The following ZNF254 variants were observed in gnomAD, a reference collection of about 807,000 sequenced individuals.
ZNF254 encodes the protein CTD-2017D11.1.
A neutral mutation model predicts 12.4 loss-of-function variants in ZNF254; 10 were observed. That is an observed-to-expected ratio of 0.80 (90% CI 0.50 to 1.36). The LOEUF (loss-of-function observed/expected upper bound fraction) is 1.36, where lower values mean the gene tolerates loss of function less well. Ranked by LOEUF, ZNF254 falls within the 40% of genes most tolerant of loss-of-function variation. ZNF254 has a pLI of 0.00. For missense variants in ZNF254, 996 were observed against 763.9 expected (o/e 1.30, Z -3.58); for synonymous variants, 305 against 253.4 (o/e 1.20, Z -1.93).
At chr19:24,067,800 A>T (rs1971331814) in intron 2 of ZNF254, among the ~76,000 whole-genome samples, 1 of 151,596 alleles carries the variant, frequency 6.6e-6, no homozygotes, top group South Asian at 2.1e-4. Flanking sequence ...CCCTACAAAT[A>T]TTTTGCATTG....
intron 1 of ZNF254, among the ~76,000 whole-genome samples, chr19:24,041,506 C>T (rs548579235): frequency 6.6e-6 from 1 of 152,376 alleles, no homozygotes; most frequent in African/African-American, 2.4e-5. Flanking sequence ...TGCTGGCCCA[C>T]CGGCGCTACG....
Position 24,128,012 on chromosome 19 carries a change from T to A in ZNF254, c.*32T>A. 1 of 1,509,236 alleles carries A rather than the reference T, an allele frequency of 6.6e-7. No individual in the cohort carries two copies. Among genetic ancestry groups the A allele is most frequent in the Non-Finnish European group, 8.8e-7 (1 of 1,135,740 alleles). 93.5% of individuals were successfully genotyped at this position (1,509,236 alleles called of 1,614,324 possible). On this transcript the variant is annotated 3_prime_UTR_variant, in exon 4 of 4. Coordinates refer to ENST00000357002, the MANE Select transcript of ZNF254 (RefSeq NM_203282.4). Reference sequence around the variant, plus strand: ...TGCCAAAGCCTAAGAAAACCCTCAATTCTTAATAGATATAAGATTATTCCT... The same window carrying A: ...TGCCAAAGCCTAAGAAAACCCTCAAATCTTAATAGATATAAGATTATTCCT...
intron 3 of ZNF254, among the ~76,000 whole-genome samples, chr19:24,110,197 C>A (rs1346852230): frequency 6.6e-6 from 1 of 151,980 alleles, no homozygotes; most frequent in Non-Finnish European, 1.5e-5. Flanking sequence ...TGTATTTTTT[C>A]CAGTTTTTAA....
chr19:24,050,405 C>T (rs1393068669), intron 2 of ZNF254, among the ~76,000 whole-genome samples: 1 of 152,132 alleles, frequency 6.6e-6, no homozygotes, highest in African/African-American at 2.4e-5. Flanking sequence ...GCCAGTCCAC[C>T]CGCCTTGACC....
chr19:24,121,503 ATG>A (rs1233424663), intron 3 of ZNF254, among the ~76,000 whole-genome samples: 1 of 151,998 alleles, frequency 6.6e-6, no homozygotes, highest in Non-Finnish European at 1.5e-5. Flanking sequence ...AATCAGCCAT[ATG>A]TCTTTTTCCA....
chr19:24,116,351 G>A (rs1406821651), intron 3 of ZNF254, among the ~76,000 whole-genome samples: 1 of 151,956 alleles, frequency 6.6e-6, no homozygotes, highest in Non-Finnish European at 1.5e-5. Context: ...TGTGGATTTG[G>A]TCTTTTCACA....
In ZNF254 at chr19:24,087,218, G is replaced by A. The variant is rs1972075861; in HGVS notation, c.-90G>A. ...GTCTCTCGCTGTCGCCGGAGTCCCAGGTCTGTCTTCACTGCTCTGTGTCCT... is the reference window on the plus strand; with the variant it reads ...GTCTCTCGCTGTCGCCGGAGTCCCAAGTCTGTCTTCACTGCTCTGTGTCCT... On this transcript the variant is annotated 5_prime_UTR_variant, in exon 1 of 4. Transcript: ENST00000357002. 1.3e-6 allele frequency: 2 copies of A among 1,578,352 alleles called. No individual in the cohort carries two copies. The highest frequency in any genetic ancestry group is 1.3e-5 in the African/African-American group (1 of 74,236).
At chr19:24,086,873 A>G (rs1373935717), upstream of ZNF254, among the ~76,000 whole-genome samples, 2 of 152,244 alleles carry the variant, frequency 1.3e-5, no homozygotes, top group African/African-American at 4.8e-5. Flanking sequence ...CAAAAATTAT[A>G]TGTATTATTA....
intron 1 of ZNF254, among the ~76,000 whole-genome samples, chr19:24,041,843 A>C (rs552325171): frequency 6.6e-6 from 1 of 152,304 alleles, no homozygotes; most frequent in Admixed American, 6.5e-5. Context: ...ACCAATCAGC[A>C]CCCTGTGTTT....
intron 2 of ZNF254, among the ~76,000 whole-genome samples, chr19:24,048,421 C>T (rs903539999): frequency 2.6e-5 from 4 of 152,226 alleles, no homozygotes; most frequent in Non-Finnish European, 4.4e-5. Context: ...TACAGGATGT[C>T]GGCCACAAGC....
intron 3 of ZNF254, among the ~76,000 whole-genome samples, chr19:24,124,344 C>T (rs1974687032): frequency 6.6e-6 from 1 of 151,790 alleles, no homozygotes; most frequent in African/African-American, 2.4e-5. Flanking sequence ...TGCTTTTATC[C>T]TTCAAATTTC....
At chr19:24,040,363 C>T (rs539375416) in intron 1 of ZNF254, among the ~76,000 whole-genome samples, 2 of 152,248 alleles carry the variant, frequency 1.3e-5, no homozygotes, top group South Asian at 4.2e-4. Flanking sequence ...ATCTTAATGT[C>T]TTTCTTTCTC....
At chr19:24,125,199 G>A (rs1177719891) in intron 3 of ZNF254, among the ~76,000 whole-genome samples, 1 of 145,084 alleles carries the variant, frequency 6.9e-6, no homozygotes, top group African/African-American at 2.5e-5. Context: ...TAGTTTGTTT[G>A]TTGAGCTTTT....
chr19:24,040,328 G>A (rs899696268), intron 1 of ZNF254, among the ~76,000 whole-genome samples: 3 of 152,102 alleles, frequency 2.0e-5, no homozygotes, highest in African/African-American at 4.8e-5. Flanking sequence ...GCAAATAAAT[G>A]AGAGCAAAGG....
intron 1 of ZNF254, among the ~76,000 whole-genome samples, chr19:24,040,192 T>G (rs1408851045): frequency 6.6e-6 from 1 of 152,096 alleles, no homozygotes; most frequent in Admixed American, 6.5e-5. Flanking sequence ...ACAGAACTAA[T>G]TAGAACTAAT....
chr19:24,081,630 C>T (rs921009133), intron 2 of ZNF254, among the ~76,000 whole-genome samples: 22 of 152,028 alleles, frequency 1.4e-4, no homozygotes, highest in African/African-American at 4.6e-4. Flanking sequence ...CCCAAATGAC[C>T]AATGTTTACC....
chr19:24,087,408 C>CG, intron 1 of ZNF254, 71 bp downstream of exon 1: 2 of 1,599,700 alleles, frequency 1.3e-6, no homozygotes, highest in Non-Finnish European at 1.7e-6. Flanking sequence ...GCGGCTGTGG[C>CG]GGGACTCAGG....
At chr19:24,125,866 G>A (rs1255882307) in intron 3 of ZNF254, among the ~76,000 whole-genome samples, 1 of 152,144 alleles carries the variant, frequency 6.6e-6, no homozygotes, top group Non-Finnish European at 1.5e-5. Context: ...AGCCAGAAAT[G>A]GCAATGATTG....
intron 1 of ZNF254, among the ~76,000 whole-genome samples, chr19:24,097,069 T>C (rs527920639): frequency 6.6e-6 from 1 of 152,266 alleles, no homozygotes; most frequent in South Asian, 2.1e-4. Flanking sequence ...TGTAGATTTT[T>C]ATCCCTGTTT....
Sources: allele counts gnomAD v4.1 joint callset (sites outside exome capture counted in the v4.1 genomes callset), GRCh38; gene constraint gnomAD v4.1.1; transcripts MANE v1.5; gene names NCBI Gene and HGNC (gene_info 2026-07-23, HGNC 2026-07-21).